ERBB4: variants seen among roughly 807,000 people sequenced by gnomAD.
The protein encoded by ERBB4 is receptor tyrosine-protein kinase erbB-4.
ERBB4 carries 42 observed loss-of-function variants against 158.0 expected under a neutral mutation model. The observed-to-expected ratio is 0.27, with a 90% CI of 0.21 to 0.34. The LOEUF (loss-of-function observed/expected upper bound fraction) is 0.34, where lower values mean the gene tolerates loss of function less well. Among genes scored for constraint, ERBB4 ranks in the 10% least tolerant of loss-of-function variants. The pLI is 1.00. For missense variants in ERBB4, 1,333 were observed against 1,624.1 expected, an observed-to-expected ratio of 0.82 and a Z score of 3.08; for synonymous variants, 583 against 558.7, an observed-to-expected ratio of 1.04 and a Z score of -0.61.
chr2:211,826,407 T>C (rs2077100349), intron 3 of ERBB4, among the ~76,000 whole-genome samples: 1 of 151,874 alleles, frequency 6.6e-6, no homozygotes, highest in South Asian at 2.1e-4. Flanking sequence ...AGTAATAAGT[T>C]ATGAATCATA....
rs138416087 is a variant in ERBB4, at chr2:211,466,176, A to C, written c.2488-35076T>G. 2.4e-4 allele frequency among the ~76,000 whole-genome samples: 37 copies of C among 152,242 alleles called. 2 individuals are homozygous for C. The East Asian group carries it at 5.8e-3, about 24-fold the overall frequency. On this transcript the variant is annotated intron_variant, in intron 20 of 27. Coordinates refer to ENST00000342788, the MANE Select transcript of ERBB4 (RefSeq NM_005235.3). ...CTGACATTTTTAAAAGAGATATTGC[A>C]AACGCTTTATGAAGTCTTTGTGTCC...
intron 1 of ERBB4, among the ~76,000 whole-genome samples, chr2:212,532,091 G>A (rs1366372918): frequency 6.6e-6 from 1 of 152,040 alleles, no homozygotes; most frequent in African/African-American, 2.4e-5. Flanking sequence ...CCTTTTATTT[G>A]TTTCCTTATT....
In ERBB4 at chr2:211,556,371, C is replaced by A. The variant is rs997271322; in HGVS notation, c.2487+5532G>T. Among the ~76,000 whole-genome samples the A allele has an allele frequency of 3.3e-5, 5 of 152,218 alleles. No individual in the cohort carries two copies. The South Asian group carries it at 8.3e-4, about 25-fold the overall frequency. On this transcript the variant is annotated intron_variant, in intron 20 of 27. Coordinates refer to ENST00000342788, the MANE Select transcript of ERBB4 (RefSeq NM_005235.3). Reference sequence around the variant, plus strand: ...TCAATACCCCACTGACATTATCAGACAAATCATTGAGACAAAAAACTTAAC... The same window carrying A: ...TCAATACCCCACTGACATTATCAGAAAAATCATTGAGACAAAAAACTTAAC...
intron 20 of ERBB4, among the ~76,000 whole-genome samples, chr2:211,487,070 A>G (rs1379136664): frequency 6.6e-6 from 1 of 151,666 alleles, no homozygotes; most frequent in Non-Finnish European, 1.5e-5. Context: ...ATATGTATAC[A>G]TGTGCCACGT....
At chr2:211,718,946 C>T (rs1412892145) in intron 7 of ERBB4, among the ~76,000 whole-genome samples, 1 of 152,178 alleles carries the variant, frequency 6.6e-6, no homozygotes, top group Non-Finnish European at 1.5e-5. Context: ...ACATCAGAAA[C>T]AGCTGAGAAA....
At position 211,433,157 on chromosome 2, in the gene ERBB4, G is replaced by A. The variant is rs1245150445; in HGVS notation, c.2488-2057C>T. Among the ~76,000 whole-genome samples, 8 of 152,200 alleles carry A rather than the reference G, an allele frequency of 5.3e-5. No individual in the cohort carries two copies. In the East Asian group the frequency reaches 1.2e-3, roughly 22 times the overall value. On this transcript the variant is annotated intron_variant, in intron 20 of 27. Transcript: ENST00000342788. ...TTTAAAGCATAATGTATGAGGGACAGTGGTGAGCAGTGAAACTGAAAACAA... is the reference window on the plus strand; with the variant it reads ...TTTAAAGCATAATGTATGAGGGACAATGGTGAGCAGTGAAACTGAAAACAA...
chr2:211,562,363 T>G (rs188885299), intron 19 of ERBB4, among the ~76,000 whole-genome samples: 1 of 152,364 alleles, frequency 6.6e-6, no homozygotes, highest in East Asian at 1.9e-4. Flanking sequence ...TCCTTTGTAA[T>G]ATGAGCAATA....
chr2:211,439,712 C>T (rs1363373443), intron 20 of ERBB4, among the ~76,000 whole-genome samples: 2 of 152,178 alleles, frequency 1.3e-5, no homozygotes, highest in Non-Finnish European at 2.9e-5. Context: ...ACAGGTTTCA[C>T]TGGGTTCTTG....
At chr2:211,851,368 T>C (rs143265989) in intron 3 of ERBB4, among the ~76,000 whole-genome samples, 3 of 151,966 alleles carry the variant, frequency 2.0e-5, no homozygotes, top group Non-Finnish European at 2.9e-5. Flanking sequence ...AGAAATTAAA[T>C]TGGCTTAATC....
chr2:212,224,073 G>C (rs772649854), intron 1 of ERBB4, among the ~76,000 whole-genome samples: 1 of 151,624 alleles, frequency 6.6e-6, no homozygotes, highest in Non-Finnish European at 1.5e-5. Flanking sequence ...TTATATTTAT[G>C]GATCAAAAAC....
chr2:211,630,489 T>C lies in ERBB4; in HGVS notation c.2052A>G (p.Arg684=), dbSNP rs777833705. 3 of 1,613,466 alleles carry C rather than the reference T, an allele frequency of 1.9e-6. No individual in the cohort carries two copies. Among genetic ancestry groups the C allele is most frequent in the Non-Finnish European group, 2.5e-6 (3 of 1,179,492 alleles). ...CTGTTTCCAAGAATCTTCTCAAGGC[T>C]CTTTTCTTTTTGATGCTCTTCCTTC... ...YVRRKSIKKK[R]ALRRFLETEL... The change falls in exon 17 of 28, where the codon AGA becomes AGG. Residue 684 remains arginine (R), a synonymous_variant. Coordinates refer to ENST00000342788, the MANE Select transcript of ERBB4 (RefSeq NM_005235.3).
chr2:212,138,450 TC>T (rs1264516075), intron 1 of ERBB4, among the ~76,000 whole-genome samples: 1 of 152,136 alleles, frequency 6.6e-6, no homozygotes, highest in African/African-American at 2.4e-5. Context: ...TGTTAAAAAT[TC>T]AGCCTGGCAT....
Position 212,382,404 on chromosome 2 carries a change from T to TAAAAAA in ERBB4, c.82+156044_82+156045insTTTTTT, listed in dbSNP as rs1319427230. On this transcript the variant is annotated intron_variant, in intron 1 of 27. Coordinates refer to ENST00000342788, the MANE Select transcript of ERBB4 (RefSeq NM_005235.3). ...TGTGAACTCTATGTAAAAATGTGTG[T>TAAAAAA]ATTTTTTCCTGCAATAAAACAACTT... 5.3e-5 allele frequency among the ~76,000 whole-genome samples: 8 copies of TAAAAAA among 150,954 alleles called. 1 individual carries two copies. The East Asian group carries it at 1.5e-3, about 29-fold the overall frequency.
rs5838309 is a variant in ERBB4 at position 212,206,589 on chromosome 2, C to CTTTTTTTTTTTTTTTTTTT, written c.83-81687_83-81686insAAAAAAAAAAAAAAAAAAA. Among the ~76,000 whole-genome samples, 114 of 116,372 alleles carry CTTTTTTTTTTTTTTTTTTT rather than the reference C, an allele frequency of 9.8e-4. 10 individuals carry two copies. The highest frequency in any genetic ancestry group is 3.0e-3 in the African/African-American group (82 of 27,636). 76.3% of individuals were successfully genotyped at this position (116,372 alleles called of 152,430 possible). On this transcript the variant is annotated intron_variant, in intron 1 of 27. Transcript: ENST00000342788. ...ATGAACTGTCTCCGTCTGTTCTGTT[C>CTTTTTTTTTTTTTTTTTTT]TTTTTTTTTTTTTTTTGAGACGGAG... is the stretch of plus-strand genomic sequence containing the variant.
intron 4 of ERBB4, among the ~76,000 whole-genome samples, chr2:211,773,683 C>T (rs1231942745): frequency 8.1e-6 from 1 of 123,010 alleles, no homozygotes; most frequent in Non-Finnish European, 1.7e-5. Context: ...CATATACATA[C>T]TATGAAGTAT....
chr2:212,265,495 G>C (rs2085100349), intron 1 of ERBB4, among the ~76,000 whole-genome samples: 1 of 152,102 alleles, frequency 6.6e-6, no homozygotes, highest in African/African-American at 2.4e-5. Flanking sequence ...GCCAGATAGA[G>C]TAAGAGAGAA....
chr2:212,200,987 A>G (rs1178455462), intron 1 of ERBB4, among the ~76,000 whole-genome samples: 1 of 152,186 alleles, frequency 6.6e-6, no homozygotes, highest in Non-Finnish European at 1.5e-5. Context: ...CACTTGTGAA[A>G]AACATTTCCA....
intron 25 of ERBB4, among the ~76,000 whole-genome samples, chr2:211,413,305 T>TAAAAAAAAAAAAAAAAAA (rs768289370): frequency 4.9e-4 from 28 of 56,932 alleles, no homozygotes; most frequent in East Asian, 1.4e-3. Flanking sequence ...GACCCTGTCT[T>TAAAAAAAAAAAAAAAAAA]AAAAACACAC....
chr2:211,392,665 GTTGT>G lies in ERBB4; in HGVS notation c.3136-4677_3136-4674del, dbSNP rs376999130. Among the ~76,000 whole-genome samples, 921 of 150,164 alleles carry G rather than the reference GTTGT, an allele frequency of 6.1e-3. 4 individuals are homozygous for G. Among genetic ancestry groups the G allele is most frequent in the African/African-American group, 0.022 (882 of 40,820 alleles). The stretch of plus-strand genomic sequence containing the variant: ...ACTTGGGCTCTTATTCTTTTTTGTT[GTTGT>G]TTGTTTGTTTGTTTTTCGAGATGGA... On this transcript the variant is annotated intron_variant, in intron 25 of 27. Transcript: ENST00000342788.
Sources: gnomAD v4.1 joint callset for allele counts (sites outside exome capture counted in the v4.1 genomes callset) on GRCh38, gnomAD v4.1.1 for gene constraint, MANE v1.5 for transcripts, NCBI Gene and HGNC (gene_info 2026-07-23, HGNC 2026-07-21) for gene names.